The following PRLR variants were observed in gnomAD, a reference collection of about 807,000 sequenced individuals.
PRLR encodes hPRL receptor.
PRLR carries 13 observed loss-of-function variants against 40.2 expected under a neutral mutation model. The ratio of observed to expected loss-of-function variants is 0.32; its 90% CI spans 0.21 to 0.51. The LOEUF (loss-of-function observed/expected upper bound fraction) is 0.51, where lower values mean the gene tolerates loss of function less well. Among genes scored for constraint, PRLR ranks in the 20% least tolerant of loss-of-function variants. PRLR has a pLI of 0.97. For synonymous variants in PRLR, 269 were observed against 278.7 expected, an observed-to-expected ratio of 0.97 and a Z score of 0.35; for missense variants, 656 against 747.3, an observed-to-expected ratio of 0.88 and a Z score of 1.42.
intron 1 of PRLR, among the ~76,000 whole-genome samples, chr5:35,182,512 G>A (rs987100055): frequency 1.3e-5 from 2 of 152,180 alleles, no homozygotes; most frequent in South Asian, 4.1e-4. Flanking sequence ...TATTTACTGG[G>A]AGCATGAAAT....
chr5:35,112,633 C>T (rs2111659228), intron 2 of PRLR, among the ~76,000 whole-genome samples: 1 of 152,234 alleles, frequency 6.6e-6, no homozygotes, highest in East Asian at 1.9e-4. Context: ...CCTACCACCT[C>T]CTGACATTAC....
exon 9 of PRLR, chr5:35,048,983 C>A (rs975751431): frequency 1.9e-5 from 8 of 419,514 alleles, no homozygotes; most frequent in Non-Finnish European, 3.3e-5. Context: ...CCTTCACAAA[C>A]ACCTGCATAA....
At chr5:35,073,084 G>C (rs1000973709) in intron 5 of PRLR, among the ~76,000 whole-genome samples, 9 of 152,150 alleles carry the variant, frequency 5.9e-5, no homozygotes, top group African/African-American at 2.2e-4. Context: ...TTGCAAGTGG[G>C]AGTTGGCATG....
At position 35,059,224 on chromosome 5, in the gene PRLR, G is replaced by A. The variant is rs1021061109; in HGVS notation, c.*5865C>T. The A allele has an allele frequency of 1.3e-5, 2 of 152,074 alleles. No homozygotes were observed. The highest frequency in any genetic ancestry group is 2.1e-4 in the South Asian group (1 of 4,830). The allele number at this position is 152,074 out of a possible 1,614,324, so 9.4% of individuals were successfully genotyped here. ...CTTTTTAATCAGCAGCAAGCAGAAT[G>A]TTAATTAATAGTCTAAGATGATCTG... On this transcript the variant is annotated 3_prime_UTR_variant, in exon 10 of 10. Transcript: ENST00000618457.
chr5:35,100,452 T>A (rs1191726000), intron 2 of PRLR, among the ~76,000 whole-genome samples: 2 of 152,304 alleles, frequency 1.3e-5, no homozygotes, highest in South Asian at 2.1e-4. Context: ...TGTACCATTT[T>A]AAAAAATCTT....
intron 1 of PRLR, among the ~76,000 whole-genome samples, chr5:35,122,342 C>T (rs921156615): frequency 1.4e-4 from 21 of 152,152 alleles, no homozygotes; most frequent in Admixed American, 4.6e-4. Flanking sequence ...ATCAACCCAT[C>T]ACCCAGGTAT....
chr5:35,100,787 C>G (rs970966640), intron 2 of PRLR, among the ~76,000 whole-genome samples: 4 of 152,196 alleles, frequency 2.6e-5, no homozygotes, highest in Admixed American at 2.6e-4. Context: ...CTCTATTTCT[C>G]TCTCCTCCAT....
At chr5:35,195,982 T>C (rs1775723919) in intron 1 of PRLR, among the ~76,000 whole-genome samples, 1 of 152,104 alleles carries the variant, frequency 6.6e-6, no homozygotes, top group Non-Finnish European at 1.5e-5. Flanking sequence ...ATATGAATTC[T>C]CAAGTTTCCA....
At chr5:35,052,865 T>C (rs1267014463), downstream of PRLR, among the ~76,000 whole-genome samples, 4 of 152,226 alleles carry the variant, frequency 2.6e-5, no homozygotes, top group Non-Finnish European at 5.9e-5. Flanking sequence ...ATCATTTTCC[T>C]ACAAGGCTGT....
chr5:35,186,584 G>A (rs531098906), intron 1 of PRLR, among the ~76,000 whole-genome samples: 3 of 152,292 alleles, frequency 2.0e-5, no homozygotes, highest in African/African-American at 7.2e-5. Context: ...AGAGGTGCTG[G>A]TGCTACTCAA....
At chr5:35,158,643 C>T (rs1333262173) in intron 1 of PRLR, among the ~76,000 whole-genome samples, 1 of 152,040 alleles carries the variant, frequency 6.6e-6, no homozygotes, top group African/African-American at 2.4e-5. Flanking sequence ...GTGAGAGTAT[C>T]CAAGCCCCTC....
intron 1 of PRLR, among the ~76,000 whole-genome samples, chr5:35,166,930 TATG>T (rs1774850507): frequency 6.6e-6 from 1 of 152,128 alleles, no homozygotes; most frequent in Non-Finnish European, 1.5e-5. Flanking sequence ...CCCTTAAACA[TATG>T]ATAAGAAATA....
chr5:35,227,422 A>C (rs1228166881), intron 1 of PRLR, among the ~76,000 whole-genome samples: 1 of 152,150 alleles, frequency 6.6e-6, no homozygotes, highest in Non-Finnish European at 1.5e-5. Context: ...GGGTGTATGT[A>C]CATTTCCATG....
intron 1 of PRLR, among the ~76,000 whole-genome samples, chr5:35,212,419 C>T (rs182117169): frequency 6.6e-6 from 1 of 152,340 alleles, no homozygotes; most frequent in African/African-American, 2.4e-5. Context: ...AAAATGATGT[C>T]ATCAGATTAG....
At chr5:35,184,239 C>T (rs937509451) in intron 1 of PRLR, among the ~76,000 whole-genome samples, 1 of 152,158 alleles carries the variant, frequency 6.6e-6, no homozygotes, top group African/African-American at 2.4e-5. Context: ...ACTGGCCAGG[C>T]ACGGTGGCTC....
intron 1 of PRLR, among the ~76,000 whole-genome samples, chr5:35,190,209 G>A (rs998320189): frequency 6.6e-6 from 1 of 152,156 alleles, no homozygotes; most frequent in Admixed American, 6.5e-5. Context: ...CATTTTACAT[G>A]TGGAAACCAA....
At chr5:35,140,888 G>T (rs1774002629) in intron 1 of PRLR, among the ~76,000 whole-genome samples, 1 of 152,004 alleles carries the variant, frequency 6.6e-6, no homozygotes, top group Non-Finnish European at 1.5e-5. Context: ...CCCTCATTTT[G>T]CTTAGTATAT....
intron 1 of PRLR, among the ~76,000 whole-genome samples, chr5:35,184,616 C>G (rs1031088912): frequency 6.6e-6 from 1 of 152,192 alleles, no homozygotes; most frequent in African/African-American, 2.4e-5. Context: ...TGCATGGGAT[C>G]CATTGCACCA....
intron 1 of PRLR, among the ~76,000 whole-genome samples, chr5:35,212,971 T>C (rs1776206653): frequency 6.6e-6 from 1 of 152,154 alleles, no homozygotes; most frequent in South Asian, 2.1e-4. Context: ...GTTGGGCAAA[T>C]TCACCCACAA....
Sources: gnomAD v4.1 joint callset for allele counts (sites outside exome capture counted in the v4.1 genomes callset) on GRCh38, gnomAD v4.1.1 for gene constraint, MANE v1.5 for transcripts, NCBI Gene and HGNC (gene_info 2026-07-23, HGNC 2026-07-21) for gene names.